Variants in CAGE1 observed in about 807,000 individuals in gnomAD.
CAGE1 encodes cancer-associated gene 1 protein.
CAGE1 carries 66 observed loss-of-function variants against 94.9 expected under a neutral mutation model. That is an observed-to-expected ratio of 0.70 (90% confidence interval 0.57 to 0.85). CAGE1 has a LOEUF of 0.85. Ranked by LOEUF, CAGE1 falls within the 40% of genes least tolerant of loss-of-function variation. CAGE1 has a pLI of 0.00. For missense variants in CAGE1, 865 were observed against 950.4 expected (o/e 0.91, Z 1.18); for synonymous variants, 319 against 321.0 (o/e 0.99, Z 0.07).
intron 11 of CAGE1, among the ~76,000 whole-genome samples, chr6:7,354,400 T>C (rs1486664360): frequency 6.6e-6 from 1 of 152,226 alleles, no homozygotes; most frequent in Non-Finnish European, 1.5e-5. Flanking sequence ...ATGCAAACTT[T>C]CTAAGATACA....
chr6:7,385,036 G>C (rs544607509), intron 3 of CAGE1, among the ~76,000 whole-genome samples: 1 of 150,990 alleles, frequency 6.6e-6, no homozygotes, highest in African/African-American at 2.4e-5. Context: ...ATGGAGTTTC[G>C]CTCTTGTTGC....
At chr6:7,349,268 C>T (rs776848195) in intron 11 of CAGE1, among the ~76,000 whole-genome samples, 12 of 152,130 alleles carry the variant, frequency 7.9e-5, no homozygotes, top group Non-Finnish European at 1.0e-4. Flanking sequence ...GCCTCCTCAA[C>T]CAAAACAATT....
chr6:7,372,468 C>CAAAA (rs71542850), intron 5 of CAGE1, among the ~76,000 whole-genome samples: 76 of 114,596 alleles, frequency 6.6e-4, no homozygotes, highest in African/African-American at 1.8e-3. Context: ...AATACTGTCT[C>CAAAA]AAAAAAAAAA....
At chr6:7,330,260 C>A (rs6900889) in intron 12 of CAGE1, among the ~76,000 whole-genome samples, 68 of 152,268 alleles carry the variant, frequency 4.5e-4, no homozygotes, top group African/African-American at 1.5e-3. Context: ...TGGTGGCACG[C>A]ACCTGTAAAC....
chr6:7,382,865 G>A (rs1326769465), intron 3 of CAGE1, among the ~76,000 whole-genome samples: 2 of 151,984 alleles, frequency 1.3e-5, no homozygotes, highest in South Asian at 2.1e-4. Context: ...AGCCGAGATC[G>A]CTCCACTGCA....
intron 9 of CAGE1, among the ~76,000 whole-genome samples, chr6:7,361,699 A>C (rs1353034388): frequency 6.6e-6 from 1 of 152,168 alleles, no homozygotes; most frequent in African/African-American, 2.4e-5. Context: ...CTTGCTTTAG[A>C]ATGGAAATTA....
rs1166752087 is a variant in CAGE1, at chr6:7,368,706, CTTT to C, written c.1983_1985del (p.Lys663del). On this transcript the variant is annotated inframe_deletion, in exon 7 of 14. Coordinates refer to ENST00000502583, the MANE Select transcript of CAGE1 (RefSeq NM_001170692.2). ...ATAATACCTCTTTATCTAAAGTTTT[CTTT>C]TTAAGATGGAGGCTCTTCAGTTTTT... 2.0e-6 allele frequency: 3 copies of C among 1,509,858 alleles called. No individual in the cohort carries two copies. The African/African-American group carries it at 4.2e-5, about 21-fold the overall frequency. 93.5% of individuals were successfully genotyped at this position (1,509,858 alleles called of 1,614,324 possible).
intron 9 of CAGE1, among the ~76,000 whole-genome samples, chr6:7,358,070 A>ATATATATATT (rs1321838889): frequency 4.1e-5 from 5 of 120,898 alleles, no homozygotes; most frequent in Non-Finnish European, 7.0e-5. Context: ...ATATATATAT[A>ATATATATATT]TGCCTCCAAA....
At chr6:7,351,530 A>AAAAATAAAATAAAATAAAAT (rs60549717) in intron 11 of CAGE1, among the ~76,000 whole-genome samples, 2,633 of 139,818 alleles carry the variant, frequency 0.019, 97 homozygotes, top group African/African-American at 0.067. Flanking sequence ...AAAGTATAAT[A>AAAAATAAAATAAAATAAAAT]AAAATAAAAT....
chr6:7,385,751 C>G (rs1289082907), intron 3 of CAGE1, 34 bp downstream of exon 3: 1 of 1,360,724 alleles, frequency 7.3e-7, no homozygotes, highest in South Asian at 1.4e-5. Flanking sequence ...AAAAGTTTCT[C>G]TCTTTTGCAT....
chr6:7,339,226 C>T lies in CAGE1; in HGVS notation c.2370-5136G>A. 5.1e-6 allele frequency: 8 copies of T among 1,575,818 alleles called. No individual in the cohort carries two copies. The highest frequency in any genetic ancestry group is 7.0e-6 in the Non-Finnish European group (8 of 1,146,644). On this transcript the variant is annotated intron_variant, in intron 11 of 13. Transcript: ENST00000502583. The surrounding 1 kb of genome is among the most constrained non-coding windows in gnomAD (Gnocchi z 4.7). ...GACACACCATAGCAGGCCCTCCGCACAGCAAGCCCTCCTAGGAGTTTGTAA... is the reference window on the plus strand; with the variant it reads ...GACACACCATAGCAGGCCCTCCGCATAGCAAGCCCTCCTAGGAGTTTGTAA...
chr6:7,353,778 T>A (rs1280937328), intron 11 of CAGE1, among the ~76,000 whole-genome samples: 1 of 150,594 alleles, frequency 6.6e-6, no homozygotes, highest in Non-Finnish European at 1.5e-5. Context: ...AGGAATGAAT[T>A]AATGGCATTT....
chr6:7,345,581 C>T (rs113538183), intron 11 of CAGE1, among the ~76,000 whole-genome samples: 3,368 of 152,260 alleles, frequency 0.022, 58 homozygotes, highest in South Asian at 0.068. Flanking sequence ...AAAACAATGT[C>T]ACTAATAGCT....
chr6:7,340,619 C>G (rs938338970), intron 11 of CAGE1, among the ~76,000 whole-genome samples: 4 of 152,150 alleles, frequency 2.6e-5, no homozygotes, highest in Admixed American at 2.0e-4. Flanking sequence ...CTTCCAAAGA[C>G]AGCAGGCACT....
chr6:7,366,774 C>G (rs1011093470), intron 7 of CAGE1, among the ~76,000 whole-genome samples: 1 of 151,924 alleles, frequency 6.6e-6, no homozygotes, highest in African/African-American at 2.4e-5. Flanking sequence ...TGTGGTAAGT[C>G]ATAGCTGTGA....
At position 7,351,584 on chromosome 6, in the gene CAGE1, A is replaced by C. The variant is rs1332157108; in HGVS notation, c.2369+3457T>G. Among the ~76,000 whole-genome samples, 581 of 148,330 alleles carry C rather than the reference A, an allele frequency of 3.9e-3. 4 individuals are homozygous for C. The highest frequency in any genetic ancestry group is 0.014 in the African/African-American group (556 of 38,748). On this transcript the variant is annotated intron_variant, in intron 11 of 13. Transcript: ENST00000502583. ...AGCATTTTGGAATAGAAAAAAAAAA[A>C]AAACTACAGACTGCTATCCCTGATG...
intron 11 of CAGE1, among the ~76,000 whole-genome samples, chr6:7,338,267 C>G (rs1759036803): frequency 6.6e-6 from 1 of 152,042 alleles, no homozygotes; most frequent in Admixed American, 6.6e-5. Flanking sequence ...TTTTTCTTGC[C>G]TGATTGTACT....
Position 7,373,892 on chromosome 6 carries a change from C to T in CAGE1, c.927G>A (p.Leu309=), listed in dbSNP as rs912565873. The change falls in exon 5 of 14, where the codon TTG becomes TTA. Residue 309 remains leucine, a synonymous_variant. Transcript: ENST00000502583. ...TTCTGTTAGTATGTTTTAATTTCTG[C>T]AAGACTTCATTTAAAGCCATGTCCT... The part of the protein sequence containing the change: ...VQEDMALNEV[L]QKLKHTNRKQ... 3 of 1,613,832 alleles carry T rather than the reference C, an allele frequency of 1.9e-6. 1 individual carries two copies. In the African/African-American group the frequency reaches 4.0e-5, roughly 22 times the overall value.
intron 9 of CAGE1, among the ~76,000 whole-genome samples, chr6:7,358,436 T>C (rs554880095): frequency 2.0e-5 from 3 of 152,298 alleles, no homozygotes; most frequent in Admixed American, 6.5e-5. Flanking sequence ...CCCATTCACC[T>C]GTAGACAGAC....
Sources: allele counts gnomAD v4.1 joint callset (sites outside exome capture counted in the v4.1 genomes callset), GRCh38; gene constraint gnomAD v4.1.1; non-coding constraint Gnocchi (gnomAD v3.1); transcripts MANE v1.5; gene names NCBI Gene and HGNC (gene_info 2026-07-23, HGNC 2026-07-21).